The following RASGRF2 variants were observed in gnomAD, a reference collection of about 807,000 sequenced individuals.
RASGRF2 encodes the protein Ras protein specific guanine nucleotide releasing factor 2, also known as ras-specific guanine nucleotide-releasing factor 2.
A neutral mutation model predicts 151.0 loss-of-function variants in RASGRF2; 76 were observed. The observed-to-expected ratio is 0.50, with a 90% CI of 0.42 to 0.61. The LOEUF (loss-of-function observed/expected upper bound fraction) is 0.61. RASGRF2 is among the 20% of genes least tolerant of loss of function. RASGRF2 has a pLI of 0.00. For missense variants in RASGRF2, 1,148 were observed against 1,564.6 expected (o/e 0.73, Z 4.49); for synonymous variants, 504 against 566.5 (o/e 0.89, Z 1.57).
chr5:81,026,717 G>C (rs1296639472), intron 1 of RASGRF2, among the ~76,000 whole-genome samples: 1 of 152,070 alleles, frequency 6.6e-6, no homozygotes, highest in East Asian at 1.9e-4. Flanking sequence ...CTAATGAAAT[G>C]GTTTGAAAAA....
In RASGRF2 at chr5:81,080,726, T is replaced by A; in HGVS notation, c.1098T>A (p.Tyr366Ter). Residue 366 changes from tyrosine (Y) to a stop codon, truncating the protein, a stop_gained, in exon 7 of 27, where the codon TAT becomes TAA. Transcript: ENST00000265080. LOFTEE classifies it high-confidence loss of function. ...NRDFDKLLKQ[Y>*]EANPACEGRM... is the part of the protein sequence containing the mutation. Reference sequence around the variant, plus strand: ...ATTTTGACAAACTCTTAAAACAGTATGAAGCCAATCCAGCCTGTGAGGGGA... The same window carrying A: ...ATTTTGACAAACTCTTAAAACAGTAAGAAGCCAATCCAGCCTGTGAGGGGA... 6.2e-7 allele frequency: 1 copy of A among 1,614,244 alleles called. No homozygotes were observed. The highest frequency in any genetic ancestry group is 1.1e-5 in the South Asian group (1 of 91,086).
chr5:81,066,862 CT>C (rs1224767503), intron 2 of RASGRF2, among the ~76,000 whole-genome samples: 1 of 152,316 alleles, frequency 6.6e-6, no homozygotes, highest in Admixed American at 6.5e-5. Context: ...ATGAGGGCAG[CT>C]TTTGTGGTAT....
At chr5:81,104,848 A>T (rs76375471) in intron 12 of RASGRF2, among the ~76,000 whole-genome samples, 15,627 of 152,158 alleles carry the variant, frequency 0.1, 981 homozygotes, top group African/African-American at 0.17. Flanking sequence ...TTATGTTGGG[A>T]ACAGGAGAAA....
At chr5:81,053,163 A>T (rs61424809) in intron 2 of RASGRF2, among the ~76,000 whole-genome samples, 27,418 of 151,884 alleles carry the variant, frequency 0.18, 2,611 homozygotes, top group Admixed American at 0.27. Flanking sequence ...TCTAGGGTAC[A>T]TGTGCACAAC....
At chr5:81,215,660 G>A (rs1755721233) in intron 23 of RASGRF2, among the ~76,000 whole-genome samples, 1 of 152,162 alleles carries the variant, frequency 6.6e-6, no homozygotes, top group Non-Finnish European at 1.5e-5. Flanking sequence ...TAAATGTGTA[G>A]ATACAGGCAC....
chr5:81,178,926 G>T (rs1754848153), intron 17 of RASGRF2, among the ~76,000 whole-genome samples: 1 of 152,102 alleles, frequency 6.6e-6, no homozygotes, highest in South Asian at 2.1e-4. Flanking sequence ...TTTTAATAGA[G>T]ACGGGGTTTC....
intron 17 of RASGRF2, among the ~76,000 whole-genome samples, chr5:81,131,112 C>G (rs1753605791): frequency 6.6e-6 from 1 of 152,188 alleles, no homozygotes; most frequent in Non-Finnish European, 1.5e-5. Context: ...AACCATGTCT[C>G]TTTAAGTATT....
chr5:81,073,544 A>T (rs1033462235), intron 5 of RASGRF2, 92 bp downstream of exon 5: 4 of 1,315,354 alleles, frequency 3.0e-6, no homozygotes, highest in Non-Finnish European at 4.1e-6. Context: ...GGTCTCATAA[A>T]TTCATCTCTA....
chr5:81,087,466 T>G, intron 9 of RASGRF2: 1 of 631,766 alleles, frequency 1.6e-6, no homozygotes, highest in South Asian at 1.8e-5. Flanking sequence ...AGATGAAATG[T>G]CTCTGATGGA....
intron 1 of RASGRF2, among the ~76,000 whole-genome samples, chr5:81,042,423 A>G (rs1750705624): frequency 6.6e-6 from 1 of 152,244 alleles, no homozygotes; most frequent in Non-Finnish European, 1.5e-5. Context: ...ATTGGACTGC[A>G]TAATTATAGG....
At position 81,120,396 on chromosome 5, in the gene RASGRF2, G is replaced by A. The variant is rs569681536; in HGVS notation, c.2471-3246G>A. The stretch of plus-strand genomic sequence containing the variant: ...ATTCGAGACCAGCCTGGGCAACATA[G>A]TGAGACCTTGTCTCTACTAAAAATA... On this transcript the variant is annotated intron_variant, in intron 15 of 26. Coordinates refer to ENST00000265080, the MANE Select transcript of RASGRF2 (RefSeq NM_006909.3). Among the ~76,000 whole-genome samples, 21 of 152,146 alleles carry A rather than the reference G, an allele frequency of 1.4e-4. No homozygotes were observed. In the South Asian group the frequency reaches 3.5e-3, roughly 26 times the overall value.
At chr5:81,160,934 A>C (rs1340946252) in intron 17 of RASGRF2, among the ~76,000 whole-genome samples, 1 of 152,194 alleles carries the variant, frequency 6.6e-6, no homozygotes, top group East Asian at 1.9e-4. Context: ...TCAATGCTGC[A>C]GTATCTGGAA....
At chr5:80,979,252 T>C (rs936355842) in intron 1 of RASGRF2, among the ~76,000 whole-genome samples, 2 of 152,178 alleles carry the variant, frequency 1.3e-5, no homozygotes, top group African/African-American at 4.8e-5. Flanking sequence ...AAATTCAACA[T>C]AAGATGTAAA....
At chr5:81,026,079 CCCTT>C (rs1433682205) in intron 1 of RASGRF2, among the ~76,000 whole-genome samples, 3 of 137,460 alleles carry the variant, frequency 2.2e-5, no homozygotes, top group Non-Finnish European at 4.6e-5. Context: ...CTCTCTCCCT[CCCTT>C]CCTTCCTCCC....
chr5:81,130,691 A>G (rs1479322040), intron 17 of RASGRF2, among the ~76,000 whole-genome samples: 12 of 152,016 alleles, frequency 7.9e-5, no homozygotes, highest in Non-Finnish European at 1.8e-4. Flanking sequence ...TCCCAAACAG[A>G]CTTTGTATCT....
chr5:81,017,619 G>A (rs984689202), intron 1 of RASGRF2, among the ~76,000 whole-genome samples: 5 of 152,326 alleles, frequency 3.3e-5, no homozygotes, highest in African/African-American at 4.8e-5. Flanking sequence ...TTAACGTACT[G>A]TGTAACCATG....
chr5:81,030,508 A>T (rs1464342826), intron 1 of RASGRF2, among the ~76,000 whole-genome samples: 3 of 152,230 alleles, frequency 2.0e-5, no homozygotes, highest in Non-Finnish European at 2.9e-5. Context: ...ACATTCTTAA[A>T]GAAAAGAATT....
At chr5:81,036,675 T>C (rs1185281396) in intron 1 of RASGRF2, among the ~76,000 whole-genome samples, 1 of 152,162 alleles carries the variant, frequency 6.6e-6, no homozygotes, top group East Asian at 1.9e-4. Flanking sequence ...TATCAATTTT[T>C]TTTTAATCCC....
At chr5:80,975,187 C>CA (rs768076621) in intron 1 of RASGRF2, among the ~76,000 whole-genome samples, 9 of 151,968 alleles carry the variant, frequency 5.9e-5, no homozygotes, top group Non-Finnish European at 1.0e-4. Context: ...AATAAAGTGG[C>CA]AAACGCCTCT....
Sources: allele counts gnomAD v4.1 joint callset (sites outside exome capture counted in the v4.1 genomes callset), GRCh38; gene constraint gnomAD v4.1.1; transcripts MANE v1.5; gene names NCBI Gene and HGNC (gene_info 2026-07-23, HGNC 2026-07-21).